Variants in ASCC3 observed in about 807,000 individuals in gnomAD.
ASCC3 encodes the protein activating signal cointegrator 1 complex subunit 3.
ASCC3 carries 158 observed loss-of-function variants against 256.3 expected under a neutral mutation model. The ratio of observed to expected loss-of-function variants is 0.62; its 90% CI spans 0.54 to 0.70. The LOEUF (loss-of-function observed/expected upper bound fraction) is 0.70, where lower values mean the gene tolerates loss of function less well. Among genes scored for constraint, ASCC3 ranks in the 30% least tolerant of loss-of-function variants. ASCC3 has a pLI of 0.00. For missense variants in ASCC3, 2,259 were observed against 2,626.0 expected (o/e 0.86, Z 3.05); for synonymous variants, 948 against 883.4 (o/e 1.07, Z -1.30).
chr6:100,557,682 A>G (rs1241003261), intron 36 of ASCC3, among the ~76,000 whole-genome samples: 1 of 125,684 alleles, frequency 8.0e-6, no homozygotes, highest in Admixed American at 9.2e-5. Context: ...GCCCCTTCAT[A>G]GAGAGGAAGA....
At chr6:100,673,334 CT>C (rs1245821150) in intron 14 of ASCC3, among the ~76,000 whole-genome samples, 4 of 152,042 alleles carry the variant, frequency 2.6e-5, no homozygotes, top group African/African-American at 9.7e-5. Context: ...CTCTCTACCC[CT>C]AGGAATTTAT....
At chr6:100,712,962 G>A (rs1355485406) in intron 13 of ASCC3, among the ~76,000 whole-genome samples, 1 of 151,746 alleles carries the variant, frequency 6.6e-6, no homozygotes, top group African/African-American at 2.4e-5. Flanking sequence ...GTTTCACCGT[G>A]TTAGCCAGGA....
intron 4 of ASCC3, among the ~76,000 whole-genome samples, chr6:100,822,935 T>C (rs1771124079): frequency 6.6e-6 from 1 of 152,178 alleles, no homozygotes; most frequent in Non-Finnish European, 1.5e-5. Flanking sequence ...ACCCAATATA[T>C]ACTTCTAGGA....
intron 3 of ASCC3, among the ~76,000 whole-genome samples, chr6:100,851,057 T>G (rs2114511372): frequency 6.6e-6 from 1 of 152,262 alleles, no homozygotes; most frequent in African/African-American, 2.4e-5. Context: ...ACTAAAAACT[T>G]TCACATAATT....
At chr6:100,613,278 T>C (rs545427932) in intron 30 of ASCC3, among the ~76,000 whole-genome samples, 1 of 152,172 alleles carries the variant, frequency 6.6e-6, no homozygotes, top group African/African-American at 2.4e-5. Context: ...CAAGTCTCCA[T>C]TGTATATTAT....
chr6:100,659,215 G>C (rs1776069101), intron 16 of ASCC3, among the ~76,000 whole-genome samples: 1 of 151,400 alleles, frequency 6.6e-6, no homozygotes, highest in South Asian at 2.1e-4. Context: ...CAACTGTACA[G>C]TCTTGCAATG....
intron 36 of ASCC3, among the ~76,000 whole-genome samples, chr6:100,558,040 G>A (rs1769707717): frequency 6.9e-6 from 1 of 145,852 alleles, no homozygotes; most frequent in Admixed American, 6.8e-5. Flanking sequence ...AACAAAAAAG[G>A]AGAAAATACT....
rs868018860 is a variant in ASCC3, at chr6:100,766,672, C to T, written c.1630G>A (p.Ala544Thr). Residue 544 changes from alanine (A) to threonine (T), a missense_variant, in exon 10 of 42, where the codon GCT (alanine) becomes ACT (threonine). By Grantham distance (58) the Ala-to-Thr change is moderately conservative. Coordinates refer to ENST00000369162, the MANE Select transcript of ASCC3 (RefSeq NM_006828.4). ...VYVAPMKALA[A>T]EMTDYFSRRL... The stretch of plus-strand genomic sequence containing the variant: ...CTGCTGAAGTAATCTGTCATTTCAG[C>T]TGCCAAGGCTTTCATTGGAGCAACA... The T allele has an allele frequency of 6.2e-7, 1 of 1,613,904 alleles. No homozygotes were observed. The highest frequency in any genetic ancestry group is 8.5e-7 in the Non-Finnish European group (1 of 1,179,952).
chr6:100,733,668 T>C (rs1431195225), intron 10 of ASCC3, among the ~76,000 whole-genome samples: 1 of 152,144 alleles, frequency 6.6e-6, no homozygotes, highest in African/African-American at 2.4e-5. Context: ...AAGAGAACAA[T>C]ACTTTCAGAA....
At chr6:100,878,270 A>G (rs1201647364) in intron 1 of ASCC3, among the ~76,000 whole-genome samples, 1 of 152,224 alleles carries the variant, frequency 6.6e-6, no homozygotes, top group Non-Finnish European at 1.5e-5. Flanking sequence ...AAAAACAACC[A>G]AATTTCTATG....
chr6:100,772,323 A>C (rs1232755564), intron 8 of ASCC3, among the ~76,000 whole-genome samples: 1 of 152,242 alleles, frequency 6.6e-6, no homozygotes, highest in African/African-American at 2.4e-5. Flanking sequence ...CAAGAGAAAA[A>C]GAAGTACATG....
chr6:100,517,960 A>G (rs1382143270), intron 38 of ASCC3, 31 bp downstream of exon 38: 3 of 1,608,290 alleles, frequency 1.9e-6, no homozygotes, highest in Non-Finnish European at 2.6e-6. Context: ...AATCAAAACA[A>G]AACAATTACA....
intron 4 of ASCC3, among the ~76,000 whole-genome samples, chr6:100,808,551 G>A (rs1770303702): frequency 1.3e-5 from 2 of 152,008 alleles, no homozygotes; most frequent in South Asian, 4.2e-4. Context: ...GATTACAGAA[G>A]CAGGTATGAG....
At chr6:100,559,849 C>CA (rs35881747) in intron 36 of ASCC3, among the ~76,000 whole-genome samples, 58,839 of 116,438 alleles carry the variant, frequency 0.51, 12,873 homozygotes, top group South Asian at 0.64. Flanking sequence ...GACTCCATCT[C>CA]AAAAAAAAAA....
At chr6:100,853,320 T>C (rs1258227480) in intron 3 of ASCC3, among the ~76,000 whole-genome samples, 2 of 152,164 alleles carry the variant, frequency 1.3e-5, no homozygotes, top group Non-Finnish European at 2.9e-5. Context: ...TGTAGCCTAC[T>C]TTAATAGTTG....
intron 8 of ASCC3, among the ~76,000 whole-genome samples, chr6:100,767,648 G>A (rs1263640700): frequency 1.3e-5 from 2 of 151,564 alleles, no homozygotes; most frequent in Admixed American, 6.6e-5. Flanking sequence ...TCACTCTGTC[G>A]CCCTGGCTGG....
rs746150652 is a variant in ASCC3 at position 100,631,127 on chromosome 6, C to CT, written c.4208dup (p.Val1404SerfsTer3). On this transcript the variant is annotated frameshift_variant and splice_region_variant. Coordinates refer to ENST00000369162, the MANE Select transcript of ASCC3 (RefSeq NM_006828.4). LOFTEE classifies it high-confidence loss of function. ...TCTTTTGAGTAAAAGTAAGAACTTA[C>CT]TTTTTACCAAGTTTTTCTTCTATTC... The CT allele has an allele frequency of 3.7e-6, 6 of 1,604,116 alleles. No individual in the cohort carries two copies. Among genetic ancestry groups the CT allele is most frequent in the Non-Finnish European group, 5.1e-6 (6 of 1,172,038 alleles).
intron 36 of ASCC3, among the ~76,000 whole-genome samples, chr6:100,572,115 C>A (rs1400768944): frequency 6.6e-6 from 1 of 152,050 alleles, no homozygotes; most frequent in Non-Finnish European, 1.5e-5. Flanking sequence ...TTTGTATCCC[C>A]CCCCATTAAT....
intron 38 of ASCC3, 37 bp downstream of exon 38, chr6:100,517,954 A>G: frequency 6.2e-7 from 1 of 1,605,246 alleles, no homozygotes; most frequent in East Asian, 2.2e-5. Context: ...TTTTGAAATC[A>G]AAACAAAACA....
Sources: allele counts gnomAD v4.1 joint callset (sites outside exome capture counted in the v4.1 genomes callset), GRCh38; gene constraint gnomAD v4.1.1; transcripts MANE v1.5; gene names NCBI Gene and HGNC (gene_info 2026-07-23, HGNC 2026-07-21).